The following MCM4 variants were observed in gnomAD, a reference collection of about 807,000 sequenced individuals.
MCM4 encodes minichromosome maintenance complex component 4, also known as DNA replication licensing factor MCM4.
MCM4 carries 60 observed loss-of-function variants against 88.7 expected under a neutral mutation model. The ratio of observed to expected loss-of-function variants is 0.68; its 90% CI spans 0.55 to 0.84. The LOEUF is 0.84. Ranked by LOEUF, MCM4 falls within the 40% of genes least tolerant of loss-of-function variation. The probability of loss-of-function intolerance (pLI) is 0.00; values close to 1 mark genes in which losing one functional copy is unlikely to be tolerated. For synonymous variants in MCM4, 465 were observed against 410.5 expected (o/e 1.13, Z -1.61); for missense variants, 1,149 against 1,105.5 (o/e 1.04, Z -0.56).
chr8:47,965,860 G>A (rs955055635), intron 8 of MCM4, among the ~76,000 whole-genome samples: 1 of 152,138 alleles, frequency 6.6e-6, no homozygotes, highest in East Asian at 1.9e-4. Context: ...AAAGGCTAGG[G>A]TCAGGACTCA....
rs1008828216 is a variant in MCM4 at position 47,961,267 on chromosome 8, C to T, written c.70+53C>T. The T allele has an allele frequency of 7.0e-6, 10 of 1,435,800 alleles. No homozygotes were observed. The Admixed American group carries it at 1.5e-4, about 21-fold the overall frequency. 88.9% of individuals were successfully genotyped at this position (1,435,800 alleles called of 1,614,324 possible). A position where few individuals can be genotyped will look rare whatever the true frequency, so the allele number is the denominator to read the frequency against. On this transcript the variant is annotated intron_variant, in intron 2 of 16. Coordinates refer to ENST00000649973, the MANE Select transcript of MCM4 (RefSeq NM_182746.3). The stretch of plus-strand genomic sequence containing the variant: ...AGCCCCCGGCGCCGCCCCGTCTGCC[C>T]TCTCGCCGCAGCTGGCAGCGCTGGG...
intron 13 of MCM4, 59 bp from the exon 14 acceptor site, chr8:47,972,798 C>T (rs1054446885): frequency 1.4e-6 from 2 of 1,390,028 alleles, no homozygotes; most frequent in Non-Finnish European, 2.0e-6. Flanking sequence ...CTCAGGTGAT[C>T]CACCTGCCTC....
At chr8:47,971,186 C>A (rs1260006931) in intron 12 of MCM4, 155 bp from the exon 13 acceptor site, 2 of 814,390 alleles carry the variant, frequency 2.5e-6, no homozygotes, top group Non-Finnish European at 1.9e-6. Flanking sequence ...CAGGGCTTAT[C>A]CAGGTGAACT....
At position 47,961,118 on chromosome 8, in the gene MCM4, C is replaced by A; in HGVS notation, c.-14-13C>A. 6.5e-7 allele frequency: 1 copy of A among 1,545,356 alleles called. No individual in the cohort carries two copies. Among genetic ancestry groups the A allele is most frequent in the Non-Finnish European group, 8.7e-7 (1 of 1,155,492 alleles). On this transcript the variant is annotated splice_polypyrimidine_tract_variant and intron_variant, in intron 1 of 16. Transcript: ENST00000649973. ...GGAGGCGGGCCCGGCCCGAGCTTGT[C>A]CTTGTCGCGCAGGTACTCCGAGCAC...
intron 14 of MCM4, chr8:47,973,922 A>C (rs2090978296): frequency 1.3e-5 from 2 of 152,252 alleles, no homozygotes; most frequent in African/African-American, 4.8e-5. Context: ...ACTTACAAGC[A>C]TAGTGAATTT....
rs558445010 is a variant in MCM4 at position 47,970,502 on chromosome 8, AT to A, written c.1435-7del. Reference sequence around the variant, plus strand: ...AAATGAATGTTTAGACATGTCTCTGATTATTTAGGGAATTTTGCTTCAGCTC... The same window carrying A: ...AAATGAATGTTTAGACATGTCTCTGATATTTAGGGAATTTTGCTTCAGCTC... On this transcript the variant is annotated splice_region_variant and splice_polypyrimidine_tract_variant and intron_variant, in intron 11 of 16. Transcript: ENST00000649973. 103 of 1,588,518 alleles carry A rather than the reference AT, an allele frequency of 6.5e-5. 1 individual carries two copies. In the East Asian group the frequency reaches 1.9e-3, roughly 29 times the overall value.
At position 47,967,367 on chromosome 8, in the gene MCM4, C is replaced by T. The variant is rs776209445; in HGVS notation, c.1056C>T (p.Ile352=). The T allele has an allele frequency of 6.2e-7, 1 of 1,614,146 alleles. No individual in the cohort carries two copies. The highest frequency in any genetic ancestry group is 2.2e-5 in the East Asian group (1 of 44,892). ...GTTCTCTGTTTGCTGACCTTCAGAT[C>T]AAGCTTCAGGAGTCTCCGGAAGACA... ...NRSLFSDKQM[I]KLQESPEDMP... The change falls in exon 10 of 17, where the codon ATC becomes ATT. Residue 352 remains isoleucine, a splice_region_variant and synonymous_variant. Transcript: ENST00000649973.
At chr8:47,962,644 G>GGGCCGGGCGCGGTGGCTCACGCCTGT (rs2090855196) in intron 5 of MCM4, 120 bp from the exon 6 acceptor site, 1 of 741,474 alleles carries the variant, frequency 1.3e-6, no homozygotes, top group East Asian at 2.5e-5. Context: ...AAAGAAAAAG[G>GGGCCGGGCGCGGTGGCTCACGCCTGT]AAGAAAAATA....
chr8:47,968,595 C>T (rs548816984), intron 10 of MCM4, among the ~76,000 whole-genome samples: 1 of 152,268 alleles, frequency 6.6e-6, no homozygotes, highest in East Asian at 1.9e-4. Flanking sequence ...ATAAATCATT[C>T]CGGGCCACTT....
chr8:47,961,542 C>A lies in MCM4; in HGVS notation c.97C>A (p.Pro33Thr). The A allele has an allele frequency of 6.2e-7, 1 of 1,614,118 alleles. No homozygotes were observed. The highest frequency in any genetic ancestry group is 8.5e-7 in the Non-Finnish European group (1 of 1,180,028). ...TCGGAGTGAGGATGCCAGGTCATCTCCCTCTCAGAGACGTAGAGGCGAGGA... is the reference window on the plus strand; with the variant it reads ...TCGGAGTGAGGATGCCAGGTCATCTACCTCTCAGAGACGTAGAGGCGAGGA... Reference protein sequence around the residue: ...TPRSEDARSSPSQRRRGEDST... With the variant: ...TPRSEDARSSTSQRRRGEDST... The change falls in exon 3 of 17, where the codon CCC (proline) becomes ACC (threonine). Residue 33 changes from proline to threonine, a missense_variant. Physicochemically the swap from Pro to Thr is conservative, Grantham distance 38. This residue lies in a region of MCM4 where 906 missense variants were observed against 843.0 expected (regional missense o/e 1.07). Coordinates refer to ENST00000649973, the MANE Select transcript of MCM4 (RefSeq NM_182746.3).
chr8:47,969,018 C>T (rs1473372864), intron 10 of MCM4: 1 of 152,204 alleles, frequency 6.6e-6, no homozygotes, highest in East Asian at 1.9e-4. Flanking sequence ...TCTGTACACT[C>T]AACTTAGGGA....
intron 5 of MCM4, 57 bp downstream of exon 5, chr8:47,962,463 G>T: frequency 3.2e-6 from 5 of 1,539,188 alleles, no homozygotes. Context: ...GGGAGACCGT[G>T]TTTATAATCT....
At chr8:47,974,389 C>T (rs1316720525) in intron 14 of MCM4, 1 of 260,546 alleles carries the variant, frequency 3.8e-6, no homozygotes, top group African/African-American at 2.2e-5. Context: ...TATGAGTGCT[C>T]ACAGCCTTCT....
intron 15 of MCM4, 188 bp downstream of exon 15, chr8:47,975,150 A>G: frequency 1.9e-6 from 1 of 537,142 alleles, no homozygotes; most frequent in Non-Finnish European, 3.3e-6. Flanking sequence ...AATATTGATT[A>G]ACACACACAG....
In MCM4 at chr8:47,966,342, C is replaced by G; in HGVS notation, c.988C>G (p.Arg330Gly). 1 of 1,613,906 alleles carries G rather than the reference C, an allele frequency of 6.2e-7. No individual in the cohort carries two copies. Among genetic ancestry groups the G allele is most frequent in the Non-Finnish European group, 8.5e-7 (1 of 1,180,022 alleles). ...GRIAEPSVCG[R>G]CHTTHSMALI... ...CATTGCAGAGCCCAGTGTGTGCGGG[C>G]GCTGCCACACCACCCACAGCATGGC... is the stretch of plus-strand genomic sequence containing the variant. Residue 330 changes from arginine to glycine, a missense_variant, in exon 9 of 17, where the codon CGC becomes GGC. Transcript: ENST00000649973.
intron 15 of MCM4, 153 bp from the exon 16 acceptor site, chr8:47,975,562 T>G (rs1353213485): frequency 2.0e-6 from 1 of 498,856 alleles, no homozygotes; most frequent in Non-Finnish European, 3.4e-6. Context: ...TTACAGAAAT[T>G]TCCAAATAAT....
intron 10 of MCM4, chr8:47,969,015 A>G (rs1238602787): frequency 1.3e-5 from 2 of 152,124 alleles, no homozygotes; most frequent in Non-Finnish European, 2.9e-5. Flanking sequence ...GATTCTGTAC[A>G]CTCAACTTAG....
chr8:47,976,327 T>C (rs1434921837), intron 16 of MCM4, among the ~76,000 whole-genome samples: 1 of 152,022 alleles, frequency 6.6e-6, no homozygotes, highest in Non-Finnish European at 1.5e-5. Context: ...GTTATGCCCC[T>C]TTCATAGTTG....
rs1007856277 is a variant in MCM4 at position 47,966,287 on chromosome 8, C to G, written c.933C>G (p.His311Gln). ...EAFFQCQVCAHTTRVEMDRGR... is the reference protein window; with the variant it reads ...EAFFQCQVCAQTTRVEMDRGR... Reference sequence around the variant, plus strand: ...TCTTCCAGTGCCAAGTGTGTGCCCACACGACCCGGGTGGAGATGGACCGCG... The same window carrying G: ...TCTTCCAGTGCCAAGTGTGTGCCCAGACGACCCGGGTGGAGATGGACCGCG... The change falls in exon 9 of 17, where the codon CAC becomes CAG. Residue 311 changes from histidine to glutamine, a missense_variant. His to Gln is a conservative substitution (Grantham distance 24). This residue lies in a region of MCM4 where 906 missense variants were observed against 843.0 expected (regional missense o/e 1.07). Transcript: ENST00000649973. The G allele has an allele frequency of 3.7e-6, 6 of 1,613,998 alleles. No individual in the cohort carries two copies. In the African/African-American group the frequency reaches 8.0e-5, roughly 22 times the overall value.
Sources: gnomAD v4.1 joint callset for allele counts (sites outside exome capture counted in the v4.1 genomes callset) on GRCh38, gnomAD v4.1.1 for gene constraint, gnomAD v4.1.1 regional missense constraint, MANE v1.5 for transcripts, NCBI Gene and HGNC (gene_info 2026-07-23, HGNC 2026-07-21) for gene names.